SH3PXD2A: variants seen among roughly 807,000 people sequenced by gnomAD.
The protein encoded by SH3PXD2A is SH3 and PX domains 2A.
SH3PXD2A carries 32 observed loss-of-function variants against 115.2 expected under a neutral mutation model. The observed-to-expected ratio is 0.28, with a 90% CI of 0.21 to 0.37. The LOEUF (loss-of-function observed/expected upper bound fraction) is 0.37. SH3PXD2A is among the 10% of genes least tolerant of loss of function. The pLI is 1.00. For synonymous variants in SH3PXD2A, 610 were observed against 629.1 expected (o/e 0.97, Z 0.45); for missense variants, 1,328 against 1,498.7 (o/e 0.89, Z 1.88).
chr10:103,635,976 A>G (rs1331241396), intron 8 of SH3PXD2A, among the ~76,000 whole-genome samples: 4 of 152,182 alleles, frequency 2.6e-5, no homozygotes, highest in African/African-American at 9.7e-5. Context: ...GGGAGGGAAA[A>G]GCTGGGGCCC....
At position 103,759,433 on chromosome 10, in the gene SH3PXD2A, C is replaced by T. The variant is rs189539391; in HGVS notation, c.229+7661G>A. Among the ~76,000 whole-genome samples, 14 of 152,278 alleles carry T rather than the reference C, an allele frequency of 9.2e-5. No individual in the cohort carries two copies. The East Asian group carries it at 2.3e-3, about 25-fold the overall frequency. On this transcript the variant is annotated intron_variant, in intron 3 of 14. Transcript: ENST00000369774. ...CTCATCAACCTGGGGATATGGATAG[C>T]GATGCATGGGACTAACTCAGCTATT...
chr10:103,613,911 G>T (rs2036468777), intron 11 of SH3PXD2A, among the ~76,000 whole-genome samples: 1 of 152,082 alleles, frequency 6.6e-6, no homozygotes, highest in Non-Finnish European at 1.5e-5. Context: ...CACAGACCAA[G>T]TTCACAAACC....
rs1193600828 is a variant in SH3PXD2A at position 103,627,013 on chromosome 10, G to A, written c.718+76C>T. ...CTCAGCTCACTTTAGGGGTTCTGTT[G>A]GTTCTAGGGAAAGAGTGAGAGAGCT... On this transcript the variant is annotated intron_variant, in intron 9 of 14. Transcript: ENST00000369774. The surrounding 1 kb of genome is among the most constrained non-coding windows in gnomAD (Gnocchi z 4.4). The A allele has an allele frequency of 2.5e-6, 2 of 803,270 alleles. No individual in the cohort carries two copies. The highest frequency in any genetic ancestry group is 5.0e-5 in the East Asian group (2 of 40,380). The allele number at this position is 803,270 out of a possible 1,614,324, so 49.8% of individuals were successfully genotyped here.
intron 8 of SH3PXD2A, among the ~76,000 whole-genome samples, chr10:103,628,298 G>A (rs1188407385): frequency 3.9e-5 from 6 of 152,218 alleles, no homozygotes; most frequent in African/African-American, 1.4e-4. Context: ...CCACATGACA[G>A]GTCTGGGCTT....
chr10:103,699,729 C>A (rs796348090), intron 5 of SH3PXD2A, among the ~76,000 whole-genome samples: 1 of 152,228 alleles, frequency 6.6e-6, no homozygotes, highest in South Asian at 2.1e-4. Flanking sequence ...GGCCTGCAGG[C>A]CATTCTCTGC....
intron 5 of SH3PXD2A, among the ~76,000 whole-genome samples, chr10:103,700,000 C>A (rs751623012): frequency 6.6e-6 from 1 of 152,218 alleles, no homozygotes; most frequent in African/African-American, 2.4e-5. Context: ...AGAACCCCGC[C>A]CCCCAGGCAT....
chr10:103,772,283 T>C (rs1443274527), intron 2 of SH3PXD2A, among the ~76,000 whole-genome samples: 1 of 152,198 alleles, frequency 6.6e-6, no homozygotes, highest in Non-Finnish European at 1.5e-5. Context: ...TTTGCAGGGC[T>C]AGTTTCCACA....
At chr10:103,638,186 TTCC>T (rs1035484805) in intron 8 of SH3PXD2A, among the ~76,000 whole-genome samples, 15 of 152,156 alleles carry the variant, frequency 9.9e-5, no homozygotes, top group African/African-American at 3.6e-4. Context: ...GCCCAGGGCC[TTCC>T]CTCCCCTAGA....
chr10:103,609,564 C>T (rs2036393768), intron 13 of SH3PXD2A: 1 of 152,166 alleles, frequency 6.6e-6, no homozygotes, highest in African/African-American at 2.4e-5. Context: ...TGAGCCTCAC[C>T]CATTCATTTA....
intron 2 of SH3PXD2A, among the ~76,000 whole-genome samples, chr10:103,768,363 G>T (rs1482320884): frequency 2.0e-5 from 3 of 152,212 alleles, no homozygotes; most frequent in Non-Finnish European, 1.5e-5. Context: ...GACCTGCAGG[G>T]GGGCGAGGAA....
chr10:103,621,818 G>A (rs1314691828), intron 10 of SH3PXD2A, among the ~76,000 whole-genome samples: 2 of 152,336 alleles, frequency 1.3e-5, no homozygotes, highest in East Asian at 1.9e-4. Flanking sequence ...GCTGGGCCTG[G>A]GGGGCTCCCT....
intron 8 of SH3PXD2A, among the ~76,000 whole-genome samples, chr10:103,629,590 C>T (rs959728822): frequency 6.6e-6 from 1 of 152,162 alleles, no homozygotes; most frequent in African/African-American, 2.4e-5. Context: ...CTAGGGAGCC[C>T]CCACCTGACC....
chr10:103,769,434 T>TTTCTCCTTC (rs2038795603), intron 2 of SH3PXD2A, among the ~76,000 whole-genome samples: 1 of 139,864 alleles, frequency 7.1e-6, no homozygotes, highest in African/African-American at 2.9e-5. Context: ...TTTCTTTTTC[T>TTTCTCCTTC]TTCTTCTTCT....
At chr10:103,730,983 G>A (rs1006025697) in intron 4 of SH3PXD2A, among the ~76,000 whole-genome samples, 6 of 152,224 alleles carry the variant, frequency 3.9e-5, no homozygotes, top group Non-Finnish European at 7.3e-5. Flanking sequence ...CAGGCTCAGG[G>A]GCGGAGGCCT....
intron 5 of SH3PXD2A, among the ~76,000 whole-genome samples, chr10:103,718,008 C>CTTTT (rs34054940): frequency 7.0e-6 from 1 of 143,520 alleles, no homozygotes. Context: ...TTCCATGTGT[C>CTTTT]TTTTTTTTTT....
At chr10:103,805,561 C>T (rs1393133960) in intron 1 of SH3PXD2A, among the ~76,000 whole-genome samples, 82 of 152,352 alleles carry the variant, frequency 5.4e-4, no homozygotes, top group East Asian at 3.9e-4. Flanking sequence ...AGAGCATCCC[C>T]CCTCGGAAAA....
chr10:103,695,022 C>G (rs1327415759), intron 5 of SH3PXD2A, among the ~76,000 whole-genome samples: 2 of 152,200 alleles, frequency 1.3e-5, no homozygotes, highest in African/African-American at 4.8e-5. Flanking sequence ...TAGCTGTGTC[C>G]TGCCCAGAAG....
chr10:103,706,871 G>A (rs979365194), intron 5 of SH3PXD2A, among the ~76,000 whole-genome samples: 1 of 152,138 alleles, frequency 6.6e-6, no homozygotes, highest in African/African-American at 2.4e-5. Flanking sequence ...GTCACAGATG[G>A]GTCAGCAAGT....
chr10:103,757,134 A>C (rs1426735308), intron 3 of SH3PXD2A, among the ~76,000 whole-genome samples: 1 of 152,198 alleles, frequency 6.6e-6, no homozygotes, highest in Non-Finnish European at 1.5e-5. Context: ...TTGTAAAAGG[A>C]CATTTAGGCA....
Sources: gnomAD v4.1 joint callset for allele counts (sites outside exome capture counted in the v4.1 genomes callset) on GRCh38, gnomAD v4.1.1 for gene constraint, Gnocchi (gnomAD v3.1) non-coding constraint, MANE v1.5 for transcripts, NCBI Gene and HGNC (gene_info 2026-07-23, HGNC 2026-07-21) for gene names.